PLXNA4: variants seen among roughly 807,000 people sequenced by gnomAD.
The protein encoded by PLXNA4 is plexin A4, also known as plexin-A4.
Under a neutral mutation model 191.8 loss-of-function variants are expected in PLXNA4, and 44 were observed. The ratio of observed to expected loss-of-function variants is 0.23; its 90% CI spans 0.18 to 0.29. The LOEUF (loss-of-function observed/expected upper bound fraction) is 0.29, where lower values mean the gene tolerates loss of function less well. Among genes scored for constraint, PLXNA4 ranks in the 10% least tolerant of loss-of-function variants. The pLI is 1.00. For synonymous variants in PLXNA4, 1,082 were observed against 1,009.5 expected (o/e 1.07, Z -1.36); for missense variants, 1,800 against 2,488.8 (o/e 0.72, Z 5.89).
At chr7:132,227,292 C>T (rs66485964) in intron 7 of PLXNA4, among the ~76,000 whole-genome samples, 159 bp downstream of exon 7, 8,515 of 152,276 alleles carry the variant, frequency 0.056, 316 homozygotes, top group African/African-American at 0.1. Context: ...GGAGGGAGAT[C>T]CCATCCCCCT....
chr7:132,566,800 C>T (rs947559183), intron 1 of PLXNA4, among the ~76,000 whole-genome samples: 11 of 152,200 alleles, frequency 7.2e-5, no homozygotes, highest in Admixed American at 5.9e-4. Context: ...CACAAGGCCA[C>T]TGTCGCTAAA....
At chr7:132,422,980 G>T (rs1000160634) in intron 3 of PLXNA4, among the ~76,000 whole-genome samples, 5 of 152,206 alleles carry the variant, frequency 3.3e-5, no homozygotes, top group African/African-American at 4.8e-5. Context: ...CAGAGGCAGA[G>T]AGTCAAGGGA....
upstream of PLXNA4, among the ~76,000 whole-genome samples, chr7:132,578,685 T>C (rs1802343737): frequency 6.6e-6 from 1 of 152,146 alleles, no homozygotes; most frequent in Admixed American, 6.5e-5. Context: ...AATGAGAAGA[T>C]GAACCAAGCC....
chr7:132,214,211 G>T (rs1381042500), intron 9 of PLXNA4, among the ~76,000 whole-genome samples: 1 of 152,162 alleles, frequency 6.6e-6, no homozygotes, highest in Admixed American at 6.5e-5. Flanking sequence ...AGCTGGGCTG[G>T]AACCCTGCCT....
At chr7:132,479,530 C>G (rs1465743713) in intron 3 of PLXNA4, among the ~76,000 whole-genome samples, 2 of 152,234 alleles carry the variant, frequency 1.3e-5, no homozygotes, top group East Asian at 1.9e-4. Flanking sequence ...GGCCTTCCAC[C>G]CGCACCTTAG....
At chr7:132,588,314 A>G (rs1424286952) in intron 2 of PLXNA4, among the ~76,000 whole-genome samples, 1 of 152,056 alleles carries the variant, frequency 6.6e-6, no homozygotes, top group Non-Finnish European at 1.5e-5. Flanking sequence ...TGGCATTCTT[A>G]TCTCTCCCTT....
At chr7:132,566,714 T>C (rs913897601) in intron 1 of PLXNA4, among the ~76,000 whole-genome samples, 7 of 152,212 alleles carry the variant, frequency 4.6e-5, no homozygotes, top group African/African-American at 1.4e-4. Flanking sequence ...GTGGGAAACA[T>C]GTCCACAAAC....
chr7:132,634,443 A>C (rs960763519), intron 2 of PLXNA4, among the ~76,000 whole-genome samples: 5 of 151,490 alleles, frequency 3.3e-5, no homozygotes, highest in Non-Finnish European at 5.9e-5. Context: ...ACACACATAC[A>C]CACAGGAACA....
Position 132,254,953 on chromosome 7 carries a change from G to A in PLXNA4, c.1504-13787C>T, listed in dbSNP as rs148474387. ...TGGCCCTGGGGTGGAGATGGGGTAG[G>A]AGGAGGCTAATTCCAGGCTAATTTG... On this transcript the variant is annotated intron_variant, in intron 4 of 31. Transcript: ENST00000321063. Among the ~76,000 whole-genome samples, 794 of 152,292 alleles carry A rather than the reference G, an allele frequency of 5.2e-3. 6 individuals carry two copies. Among genetic ancestry groups the A allele is most frequent in the Non-Finnish European group, 9.3e-3 (631 of 68,038 alleles).
At chr7:132,262,992 G>A (rs1049970031) in intron 4 of PLXNA4, among the ~76,000 whole-genome samples, 2 of 152,156 alleles carry the variant, frequency 1.3e-5, no homozygotes, top group Admixed American at 1.3e-4. Context: ...TACTAGGGGG[G>A]TTGAAGTCTC....
At chr7:132,260,020 G>A (rs1027623897) in intron 4 of PLXNA4, among the ~76,000 whole-genome samples, 4 of 152,158 alleles carry the variant, frequency 2.6e-5, no homozygotes, top group African/African-American at 9.7e-5. Flanking sequence ...AACAGATGGA[G>A]AGGTTGTGGA....
At chr7:132,618,994 A>T (rs886930601) in intron 2 of PLXNA4, among the ~76,000 whole-genome samples, 23 of 152,284 alleles carry the variant, frequency 1.5e-4, no homozygotes, top group African/African-American at 5.3e-4. Flanking sequence ...TTATTTGGAA[A>T]TTTTTTAAAT....
chr7:132,212,328 G>T (rs1797830081), intron 9 of PLXNA4, among the ~76,000 whole-genome samples: 1 of 152,188 alleles, frequency 6.6e-6, no homozygotes, highest in Non-Finnish European at 1.5e-5. Flanking sequence ...ATGGTGGAAG[G>T]GAGGGGTTCT....
At chr7:132,602,033 C>T (rs1802831304) in intron 2 of PLXNA4, among the ~76,000 whole-genome samples, 1 of 152,156 alleles carries the variant, frequency 6.6e-6, no homozygotes, top group Non-Finnish European at 1.5e-5. Context: ...AAGGTTTTTA[C>T]CATAGAAGAA....
intron 3 of PLXNA4, among the ~76,000 whole-genome samples, chr7:132,438,014 C>T (rs185778516): frequency 6.6e-6 from 1 of 152,124 alleles, no homozygotes. Flanking sequence ...GGAACTGCAT[C>T]CAGCGTGTGG....
intron 4 of PLXNA4, among the ~76,000 whole-genome samples, chr7:132,268,391 T>C (rs1294869550): frequency 6.6e-6 from 1 of 152,246 alleles, no homozygotes; most frequent in Non-Finnish European, 1.5e-5. Context: ...CTCACTTTCC[T>C]CATTCCCAAA....
chr7:132,503,559 CAT>C (rs1466981137), intron 2 of PLXNA4, among the ~76,000 whole-genome samples: 1 of 152,208 alleles, frequency 6.6e-6, no homozygotes, highest in Non-Finnish European at 1.5e-5. Flanking sequence ...GGTCCTGGCA[CAT>C]GACAGAGGCC....
intron 3 of PLXNA4, among the ~76,000 whole-genome samples, chr7:132,379,570 C>T (rs1322356681): frequency 1.3e-5 from 2 of 152,232 alleles, no homozygotes; most frequent in Admixed American, 1.3e-4. Flanking sequence ...TACCTTCCTC[C>T]TCAGACTGTG....
chr7:132,426,142 A>C (rs1459867032), intron 3 of PLXNA4, among the ~76,000 whole-genome samples: 5 of 152,194 alleles, frequency 3.3e-5, no homozygotes, highest in African/African-American at 1.2e-4. Flanking sequence ...TCAGTGTACA[A>C]CTGGAGGAGT....
Sources: allele counts gnomAD v4.1 joint callset (sites outside exome capture counted in the v4.1 genomes callset), GRCh38; gene constraint gnomAD v4.1.1; transcripts MANE v1.5; gene names NCBI Gene and HGNC (gene_info 2026-07-23, HGNC 2026-07-21).